PCDH15: variants seen among roughly 807,000 people sequenced by gnomAD.
The protein encoded by PCDH15 is protocadherin-15.
In PCDH15, 129 loss-of-function variants were observed where a neutral mutation model predicts 178.5. The ratio of observed to expected loss-of-function variants is 0.72; its 90% CI spans 0.63 to 0.84. PCDH15 has a LOEUF of 0.84. Among genes scored for constraint, PCDH15 ranks in the 40% least tolerant of loss-of-function variants. PCDH15 has a pLI of 0.00. For missense variants in PCDH15, 2,230 were observed against 2,099.9 expected (o/e 1.06, Z -1.21); for synonymous variants, 800 against 732.0 (o/e 1.09, Z -1.50).
chr10:55,218,946 G>T (rs1222866950), intron 1 of PCDH15, among the ~76,000 whole-genome samples: 3 of 151,964 alleles, frequency 2.0e-5, no homozygotes, highest in Admixed American at 6.6e-5. Flanking sequence ...ATATTTTGTT[G>T]ATTTCTCCAT....
At chr10:54,849,727 A>T (rs1953581216) in intron 3 of PCDH15, among the ~76,000 whole-genome samples, 1 of 152,222 alleles carries the variant, frequency 6.6e-6, no homozygotes, top group South Asian at 2.1e-4. Context: ...CAAAGGAAAG[A>T]ACCGCAATTA....
At chr10:54,683,276 C>G (rs370777035) in intron 1 of PCDH15, among the ~76,000 whole-genome samples, 239 of 151,970 alleles carry the variant, frequency 1.6e-3, no homozygotes, top group African/African-American at 5.5e-3. Context: ...TAGCCATCAC[C>G]ACCATCCATC....
chr10:55,073,736 T>C (rs532585523), intron 2 of PCDH15, among the ~76,000 whole-genome samples: 1 of 152,270 alleles, frequency 6.6e-6, no homozygotes, highest in African/African-American at 2.4e-5. Context: ...AGTTATTCTT[T>C]ATACATTTGG....
At chr10:54,536,184 C>A (rs1022880150) in intron 2 of PCDH15, among the ~76,000 whole-genome samples, 3 of 152,132 alleles carry the variant, frequency 2.0e-5, no homozygotes, top group Admixed American at 6.6e-5. Context: ...ACATTTAACA[C>A]CTTGCTCACT....
intron 8 of PCDH15, among the ~76,000 whole-genome samples, chr10:54,273,923 G>A (rs1342839520): frequency 6.6e-6 from 1 of 151,948 alleles, no homozygotes; most frequent in African/African-American, 2.4e-5. Flanking sequence ...AAGAAAATAT[G>A]GTATATAAAC....
chr10:54,416,682 A>G (rs1954456791), intron 3 of PCDH15, among the ~76,000 whole-genome samples: 1 of 152,140 alleles, frequency 6.6e-6, no homozygotes, highest in African/African-American at 2.4e-5. Context: ...CTGGTTCTAG[A>G]TCCTTGATGA....
chr10:55,383,485 C>T (rs912483087), intron 2 of PCDH15, among the ~76,000 whole-genome samples: 1 of 152,090 alleles, frequency 6.6e-6, no homozygotes, highest in Non-Finnish European at 1.5e-5. Context: ...CAGAATGGAA[C>T]CTTTGCTGGG....
chr10:54,808,167 G>A (rs1046158252), intron 3 of PCDH15, among the ~76,000 whole-genome samples: 2 of 151,888 alleles, frequency 1.3e-5, no homozygotes, highest in African/African-American at 4.8e-5. Flanking sequence ...ATTTATACTG[G>A]TTTCTCTTTA....
intron 2 of PCDH15, among the ~76,000 whole-genome samples, chr10:55,570,732 G>A (rs114724969): frequency 0.021 from 3,230 of 151,966 alleles, 118 homozygotes; most frequent in African/African-American, 0.074. Flanking sequence ...ATACATAAAG[G>A]CAAAGTGGAA....
At chr10:54,311,153 A>G (rs1448296257) in intron 8 of PCDH15, among the ~76,000 whole-genome samples, 5 of 152,210 alleles carry the variant, frequency 3.3e-5, no homozygotes, top group East Asian at 3.9e-4. Context: ...ATCCAATCCA[A>G]TGGTTTTAAA....
intron 8 of PCDH15, among the ~76,000 whole-genome samples, chr10:54,274,183 G>T (rs1478827812): frequency 6.6e-6 from 1 of 151,776 alleles, no homozygotes; most frequent in African/African-American, 2.4e-5. Context: ...AATAACTAAT[G>T]GTTACTAGGC....
rs1297138503 is a variant in PCDH15 at position 55,252,470 on chromosome 10, A to T, written c.-156+67129T>A. ...ATTATTTATGTTAATTTCCCAAATT[A>T]TAAAATATTGGAACTGATCACAGTA... On this transcript the variant is annotated intron_variant, in intron 1 of 5. Transcript: ENST00000458638. 4.6e-5 allele frequency among the ~76,000 whole-genome samples: 7 copies of T among 152,280 alleles called. No homozygotes were observed. In the East Asian group the frequency reaches 1.3e-3, roughly 29 times the overall value.
At chr10:53,869,932 T>C (rs142095262) in intron 26 of PCDH15, among the ~76,000 whole-genome samples, 1,602 of 152,334 alleles carry the variant, frequency 0.011, 34 homozygotes, top group African/African-American at 0.037. Flanking sequence ...ATAAAATATG[T>C]TCTATTTTCT....
intron 2 of PCDH15, among the ~76,000 whole-genome samples, chr10:55,601,780 C>A (rs1462573497): frequency 6.6e-6 from 1 of 151,892 alleles, no homozygotes; most frequent in African/African-American, 2.4e-5. Context: ...TGACTAGATA[C>A]AAGAATAAGA....
At chr10:54,900,618 G>A (rs750799896) in intron 2 of PCDH15, among the ~76,000 whole-genome samples, 10 of 152,094 alleles carry the variant, frequency 6.6e-5, no homozygotes, top group Non-Finnish European at 1.2e-4. Context: ...GCTATGATTT[G>A]GTTTTTTAAC....
At chr10:54,808,953 A>C (rs1952821067) in intron 3 of PCDH15, among the ~76,000 whole-genome samples, 1 of 151,384 alleles carries the variant, frequency 6.6e-6, no homozygotes, top group Admixed American at 6.6e-5. Context: ...GAAAAAAAAA[A>C]AAACCAACAC....
At chr10:54,904,774 C>G (rs1954691726) in intron 2 of PCDH15, among the ~76,000 whole-genome samples, 1 of 151,686 alleles carries the variant, frequency 6.6e-6, no homozygotes, top group Non-Finnish European at 1.5e-5. Flanking sequence ...CAGTATGCCC[C>G]ACTTCCTTAA....
chr10:55,388,108 T>A (rs566612109), intron 2 of PCDH15, among the ~76,000 whole-genome samples: 37 of 152,202 alleles, frequency 2.4e-4, no homozygotes, highest in African/African-American at 8.4e-4. Flanking sequence ...TAGATGACTT[T>A]TACTGACAAT....
At chr10:55,416,051 GCAAACAAA>G (rs142167707) in intron 2 of PCDH15, among the ~76,000 whole-genome samples, 69,623 of 150,088 alleles carry the variant, frequency 0.46, 16,851 homozygotes, top group Middle Eastern at 0.51. Context: ...AAACAAACAA[GCAAACAAA>G]CAAACAAACA....
Sources: gnomAD v4.1 joint callset for allele counts (sites outside exome capture counted in the v4.1 genomes callset) on GRCh38, gnomAD v4.1.1 for gene constraint, MANE v1.5 for transcripts, NCBI Gene and HGNC (gene_info 2026-07-23, HGNC 2026-07-21) for gene names.